WDR59: variants seen among roughly 807,000 people sequenced by gnomAD.
WDR59 encodes the protein WD repeat domain 59.
In WDR59, 100 loss-of-function variants were observed where a neutral mutation model predicts 131.2. That is an observed-to-expected ratio of 0.76 (90% CI 0.65 to 0.90). WDR59 has a LOEUF of 0.90. Among genes scored for constraint, WDR59 ranks in the 40% least tolerant of loss-of-function variants. The pLI, the probability that WDR59 is intolerant of heterozygous loss-of-function variation, is 0.00. For missense variants in WDR59, 1,203 were observed against 1,262.2 expected (o/e 0.95, Z 0.71); for synonymous variants, 601 against 466.2 (o/e 1.29, Z -3.72).
intron 20 of WDR59, 58 bp from the exon 21 acceptor site, chr16:74,889,873 T>A: frequency 7.5e-7 from 1 of 1,331,918 alleles, no homozygotes. Flanking sequence ...ACCGAAACCA[T>A]GAAGCAATCC....
Position 74,965,769 on chromosome 16 carries a change from T to C in WDR59, c.104+4A>G. 6.2e-7 allele frequency: 1 copy of C among 1,614,128 alleles called. No individual in the cohort carries two copies. Among genetic ancestry groups the C allele is most frequent in the Non-Finnish European group, 8.5e-7 (1 of 1,179,992 alleles). On this transcript the variant is annotated splice_donor_region_variant and intron_variant, in intron 2 of 25. Coordinates refer to ENST00000262144, the MANE Select transcript of WDR59 (RefSeq NM_030581.4). Reference sequence around the variant, plus strand: ...TGGCAGACAAACTCGGCAAGCTTACTTACCCAGAAAGCACTGCATGCTGCC... The same window carrying C: ...TGGCAGACAAACTCGGCAAGCTTACCTACCCAGAAAGCACTGCATGCTGCC...
At chr16:74,888,812 T>C (rs926956865) in intron 21 of WDR59, among the ~76,000 whole-genome samples, 4 of 152,236 alleles carry the variant, frequency 2.6e-5, no homozygotes, top group African/African-American at 9.6e-5. Context: ...GGTGCAGTTA[T>C]GAAGATGAGC....
intron 1 of WDR59, among the ~76,000 whole-genome samples, chr16:74,982,226 T>C (rs528245368): frequency 6.6e-6 from 1 of 151,924 alleles, no homozygotes; most frequent in African/African-American, 2.4e-5. Context: ...ATGAAGAGTT[T>C]TAACTTTGTC....
chr16:74,871,728 A>C lies in WDR59; in HGVS notation c.*2481T>G, dbSNP rs894665818. ...GTGATTTCACTGAGGAACACAACAG[A>C]TCCTTTCTCTCTGTGTAAATCAGCC... On this transcript the variant is annotated 3_prime_UTR_variant, in exon 26 of 26. Transcript: ENST00000262144. The C allele has an allele frequency of 2.6e-5, 4 of 152,236 alleles. No individual in the cohort carries two copies. The highest frequency in any genetic ancestry group is 7.2e-5 in the African/African-American group (3 of 41,462). The allele number at this position is 152,236 out of a possible 1,614,324, so 9.4% of individuals were successfully genotyped here.
At chr16:74,908,722 T>C (rs967298651) in intron 17 of WDR59, 186 bp downstream of exon 17, 4 of 556,894 alleles carry the variant, frequency 7.2e-6, no homozygotes, top group Admixed American at 6.8e-5. Flanking sequence ...GTAATAACCA[T>C]ACAGCAGAAA....
intron 25 of WDR59, among the ~76,000 whole-genome samples, chr16:74,874,972 G>T (rs930668416): frequency 6.6e-6 from 1 of 152,016 alleles, no homozygotes; most frequent in Non-Finnish European, 1.5e-5. Flanking sequence ...TTTTCTCAGG[G>T]GCTCCGCATG....
chr16:74,887,668 C>T lies in WDR59; in HGVS notation c.2419+15G>A, dbSNP rs1964831913. The T allele has an allele frequency of 1.2e-6, 2 of 1,613,642 alleles. No individual in the cohort carries two copies. Among genetic ancestry groups the T allele is most frequent in the Non-Finnish European group, 1.7e-6 (2 of 1,179,750 alleles). ...ACTAAAAATCCAGCGTGGGCTAAGT[C>T]ATTTCCATACAAACCTATGTTCCAG... On this transcript the variant is annotated intron_variant, in intron 23 of 25. Coordinates refer to ENST00000262144, the MANE Select transcript of WDR59 (RefSeq NM_030581.4).
At chr16:74,947,346 A>G (rs1028284782) in intron 6 of WDR59, among the ~76,000 whole-genome samples, 3 of 152,078 alleles carry the variant, frequency 2.0e-5, no homozygotes, top group African/African-American at 7.2e-5. Flanking sequence ...ATTGCACTCC[A>G]GCCTGGGCAA....
chr16:74,950,619 T>A (rs1330959053), intron 4 of WDR59, among the ~76,000 whole-genome samples: 1 of 152,150 alleles, frequency 6.6e-6, no homozygotes, highest in Non-Finnish European at 1.5e-5. Flanking sequence ...CACTTCCAGG[T>A]CAGCTTAGCC....
intron 8 of WDR59, among the ~76,000 whole-genome samples, chr16:74,924,767 C>T (rs1350254464): frequency 2.0e-5 from 3 of 152,194 alleles, no homozygotes; most frequent in African/African-American, 7.2e-5. Flanking sequence ...TGACAGCAAT[C>T]ACTCTGGAAA....
Position 74,973,195 on chromosome 16 carries a change from T to G in WDR59, c.55-7373A>C, listed in dbSNP as rs367946978. Among the ~76,000 whole-genome samples the G allele has an allele frequency of 2.0e-5, 3 of 152,096 alleles. No individual in the cohort carries two copies. In the East Asian group the frequency reaches 5.8e-4, roughly 29 times the overall value. ...GGTAGAGGTTGCAGTGAGCCAAGAT[T>G]GCGCCATTGCACTCCAGCCTGAGCA... On this transcript the variant is annotated intron_variant, in intron 1 of 25. Coordinates refer to ENST00000262144, the MANE Select transcript of WDR59 (RefSeq NM_030581.4).
At chr16:74,919,566 C>G (rs1368231634) in intron 10 of WDR59, among the ~76,000 whole-genome samples, 1 of 151,884 alleles carries the variant, frequency 6.6e-6, no homozygotes, top group Non-Finnish European at 1.5e-5. Flanking sequence ...TGGTCTCAAA[C>G]TCCTGGCCTC....
intron 9 of WDR59, among the ~76,000 whole-genome samples, chr16:74,922,685 T>A (rs2030365701): frequency 6.6e-6 from 1 of 152,238 alleles, no homozygotes; most frequent in South Asian, 2.1e-4. Context: ...ATAATTAGAC[T>A]CTGTTATTTA....
At chr16:74,899,576 G>T in intron 18 of WDR59, 2 of 738,806 alleles carry the variant, frequency 2.7e-6, no homozygotes, top group Non-Finnish European at 3.9e-6. Context: ...GACTGTTGCT[G>T]GTCCTGAAAA....
At chr16:74,977,922 A>G (rs963338810) in intron 1 of WDR59, among the ~76,000 whole-genome samples, 2 of 152,168 alleles carry the variant, frequency 1.3e-5, no homozygotes, top group Non-Finnish European at 2.9e-5. Context: ...TAAGCAAAAG[A>G]CGCCAGGTAG....
At chr16:74,970,446 A>G (rs897318941) in intron 1 of WDR59, among the ~76,000 whole-genome samples, 1 of 143,376 alleles carries the variant, frequency 7.0e-6, no homozygotes, top group African/African-American at 2.5e-5. Context: ...CAGTGAGCCA[A>G]GATGCGCCAC....
chr16:74,913,069 TTGGG>T (rs1396022807), intron 13 of WDR59, among the ~76,000 whole-genome samples: 175 of 7,660 alleles, frequency 0.023, 1 homozygote, highest in African/African-American at 0.035. Flanking sequence ...TGGCTAGATT[TTGGG>T]GGGGGGGGGG....
At chr16:74,922,760 G>A (rs1370505260) in intron 9 of WDR59, among the ~76,000 whole-genome samples, 1 of 152,186 alleles carries the variant, frequency 6.6e-6, no homozygotes, top group African/African-American at 2.4e-5. Flanking sequence ...AGCACTCTTG[G>A]ACTTTTCTGT....
At chr16:74,975,418 T>C (rs1287255886) in intron 1 of WDR59, among the ~76,000 whole-genome samples, 1 of 147,498 alleles carries the variant, frequency 6.8e-6, no homozygotes, top group Non-Finnish European at 1.5e-5. Flanking sequence ...ATTCCAGCAC[T>C]TTGGGAGGCC....
Sources: gnomAD v4.1 joint callset for allele counts (sites outside exome capture counted in the v4.1 genomes callset) on GRCh38, gnomAD v4.1.1 for gene constraint, MANE v1.5 for transcripts, NCBI Gene and HGNC (gene_info 2026-07-23, HGNC 2026-07-21) for gene names.